Variants in TMPRSS9 observed in about 807,000 individuals in gnomAD.
TMPRSS9 encodes transmembrane serine protease 9.
A neutral mutation model predicts 111.4 loss-of-function variants in TMPRSS9; 113 were observed. The observed-to-expected ratio is 1.01, with a 90% CI of 0.87 to 1.19. The LOEUF (loss-of-function observed/expected upper bound fraction) is 1.19. Among genes scored for constraint, TMPRSS9 ranks in the 50% most tolerant of loss-of-function variants. The pLI is 0.00. For missense variants in TMPRSS9, 1,803 were observed against 1,513.1 expected, an observed-to-expected ratio of 1.19 and a Z score of -3.18; for synonymous variants, 805 against 659.1, an observed-to-expected ratio of 1.22 and a Z score of -3.39.
intron 10 of TMPRSS9, 97 bp downstream of exon 11, chr19:2,414,115 C>A: frequency 7.6e-7 from 1 of 1,314,506 alleles, no homozygotes; most frequent in African/African-American, 1.5e-5. Context: ...TTTGGATCTT[C>A]CTGTTCAAGG....
chr19:2,426,167 T>C, exon 18 of TMPRSS9: 2 of 1,524,820 alleles, frequency 1.3e-6, no homozygotes, highest in East Asian at 2.4e-5. Flanking sequence ...CACCCCACCG[T>C]ACCCTACCCA....
chr19:2,363,789 A>AGT (rs1195621397), intron 1 of TMPRSS9, among the ~76,000 whole-genome samples: 931 of 90,756 alleles, frequency 0.01, 8 homozygotes, highest in Non-Finnish European at 0.015. Flanking sequence ...TCTGTGTGTG[A>AGT]GTGTGTGTGT....
intron 4 of TMPRSS9, among the ~76,000 whole-genome samples, chr19:2,400,480 T>A (rs1430907875): frequency 1.3e-5 from 2 of 151,674 alleles, no homozygotes; most frequent in African/African-American, 4.8e-5. Flanking sequence ...AGGCGGAGGT[T>A]GCAGTGAGCC....
intron 4 of TMPRSS9, among the ~76,000 whole-genome samples, chr19:2,401,596 G>A (rs1015745952): frequency 1.3e-4 from 19 of 151,906 alleles, no homozygotes; most frequent in African/African-American, 4.1e-4. Flanking sequence ...GCAATAGGAC[G>A]TTTTCTTTCT....
chr19:2,407,629 T>TTTTTTTTTTG (rs1970998848), intron 7 of TMPRSS9, among the ~76,000 whole-genome samples: 1 of 137,086 alleles, frequency 7.3e-6, no homozygotes, highest in Non-Finnish European at 1.6e-5. Context: ...TTTTTTTTTT[T>TTTTTTTTTTG]GAGACAGGTT....
At chr19:2,390,915 T>A (rs988898957) in intron 1 of TMPRSS9, among the ~76,000 whole-genome samples, 3 of 151,590 alleles carry the variant, frequency 2.0e-5, no homozygotes, top group Non-Finnish European at 2.9e-5. Context: ...ATACCTGTAA[T>A]CTCAACTTTT....
At chr19:2,363,807 T>TGTGTGC (rs1555763793) in intron 1 of TMPRSS9, among the ~76,000 whole-genome samples, 31 of 106,030 alleles carry the variant, frequency 2.9e-4, no homozygotes, top group South Asian at 1.3e-3. Flanking sequence ...TGTGTGTGCG[T>TGTGTGC]GCGCGCGTGT....
chr19:2,388,867 T>C (rs1377840062), upstream of TMPRSS9, among the ~76,000 whole-genome samples: 1 of 151,392 alleles, frequency 6.6e-6, no homozygotes, highest in Non-Finnish European at 1.5e-5. Context: ...CGAGCAATCC[T>C]CTCACCTCAG....
At chr19:2,402,443 A>G (rs2145328000) in intron 5 of TMPRSS9, among the ~76,000 whole-genome samples, 1 of 151,926 alleles carries the variant, frequency 6.6e-6, no homozygotes, top group South Asian at 2.1e-4. Context: ...CTGTGTCTCA[A>G]AAAATAATAC....
chr19:2,406,682 C>T (rs867905893), intron 7 of TMPRSS9, among the ~76,000 whole-genome samples: 7 of 151,590 alleles, frequency 4.6e-5, no homozygotes, highest in Middle Eastern at 3.4e-3. Flanking sequence ...TGTGAAGTAG[C>T]ATCTCCCTGT....
rs1050471814 is a variant in TMPRSS9, at chr19:2,424,074, C to A, written c.2549-15C>A. The A allele has an allele frequency of 1.6e-6, 2 of 1,263,804 alleles. No homozygotes were observed. The highest frequency in any genetic ancestry group is 2.0e-6 in the Non-Finnish European group (2 of 1,002,630). 78.3% of individuals were successfully genotyped at this position (1,263,804 alleles called of 1,614,324 possible). ...GCCCTGGGTCCGCCTGCCCACGCGC[C>A]TGGCTCCCCCGCAGACTGTGGCCTG... On this transcript the variant is annotated splice_polypyrimidine_tract_variant and intron_variant, in intron 14 of 17. Transcript: ENST00000648592.
chr19:2,397,221 T>C (rs1030493257), intron 2 of TMPRSS9, among the ~76,000 whole-genome samples: 5 of 152,146 alleles, frequency 3.3e-5, no homozygotes, highest in African/African-American at 1.2e-4. Context: ...GTACCCAACC[T>C]GCCACATTTA....
At chr19:2,360,557 C>T (rs1035678194) in intron 1 of TMPRSS9, among the ~76,000 whole-genome samples, 197 bp downstream of exon 1, 21 of 151,790 alleles carry the variant, frequency 1.4e-4, no homozygotes, top group Non-Finnish European at 2.9e-4. Context: ...GTGTGGACGC[C>T]ACTGGGGTGT....
exon 12 of TMPRSS9, chr19:2,416,643 C>G: frequency 1.2e-6 from 2 of 1,613,026 alleles, no homozygotes; most frequent in Non-Finnish European, 1.7e-6. Flanking sequence ...TGCACCCCCT[C>G]TACAACCCTG....
intron 6 of TMPRSS9, among the ~76,000 whole-genome samples, chr19:2,404,981 T>C (rs1314895360): frequency 1.3e-5 from 2 of 150,162 alleles, no homozygotes; most frequent in Non-Finnish European, 3.0e-5. Flanking sequence ...GTGCCATGCC[T>C]GTGATGATAA....
intron 1 of TMPRSS9, among the ~76,000 whole-genome samples, chr19:2,381,348 C>CTG (rs374631093): frequency 6.0e-5 from 9 of 150,870 alleles, no homozygotes; most frequent in South Asian, 2.1e-4. Flanking sequence ...TGAATGAACA[C>CTG]TGTGTGTGTG....
At chr19:2,422,375 C>G (rs554793510) in intron 14 of TMPRSS9, 128 bp downstream of exon 15, 2 of 1,139,322 alleles carry the variant, frequency 1.8e-6, no homozygotes, top group Non-Finnish European at 2.4e-6. Context: ...GTCAGGAGAT[C>G]GAGACCATCC....
intron 1 of TMPRSS9, among the ~76,000 whole-genome samples, chr19:2,377,495 C>CTT (rs1555676320): frequency 2.6e-5 from 1 of 38,766 alleles, no homozygotes; most frequent in Non-Finnish European, 4.6e-5. Flanking sequence ...CCCCCCCACC[C>CTT]CTCTCCCCTT....
chr19:2,389,810 C>T (rs1004125554), exon 1 of TMPRSS9: 1 of 1,613,736 alleles, frequency 6.2e-7, no homozygotes. Flanking sequence ...GGCTGACGTA[C>T]ACCTCGTGCC....
Sources: gnomAD v4.1 joint callset for allele counts (sites outside exome capture counted in the v4.1 genomes callset) on GRCh38, gnomAD v4.1.1 for gene constraint, MANE v1.5 for transcripts, NCBI Gene and HGNC (gene_info 2026-07-23, HGNC 2026-07-21) for gene names.